Variants in SMAD3 observed in about 807,000 individuals in gnomAD.
SMAD3 encodes the protein SMAD family member 3.
SMAD3 carries 12 observed loss-of-function variants against 51.8 expected under a neutral mutation model. That is an observed-to-expected ratio of 0.23 (90% CI 0.15 to 0.38). SMAD3 has a LOEUF of 0.38. SMAD3 is among the 10% of genes least tolerant of loss of function. The pLI is 1.00. For missense variants in SMAD3, 294 were observed against 565.6 expected (o/e 0.52, Z 4.87); for synonymous variants, 238 against 227.7 (o/e 1.05, Z -0.41).
intron 5 of SMAD3, among the ~76,000 whole-genome samples, chr15:67,174,144 C>G (rs183547823): frequency 8.5e-4 from 129 of 152,306 alleles, no homozygotes; most frequent in African/African-American, 3.0e-3. Context: ...CCTCCAGCCC[C>G]CACTCAGGAG....
intron 1 of SMAD3, among the ~76,000 whole-genome samples, chr15:67,072,081 G>T (rs1960066971): frequency 6.6e-6 from 1 of 152,192 alleles, no homozygotes; most frequent in African/African-American, 2.4e-5. Context: ...GCAAGAAGTT[G>T]ATGAAATTGA....
Position 67,154,257 on chromosome 15 carries a change from G to A in SMAD3, c.207-10638G>A, listed in dbSNP as rs973886020. Among the ~76,000 whole-genome samples the A allele has an allele frequency of 5.9e-5, 9 of 152,324 alleles. No homozygotes were observed. In the East Asian group the frequency reaches 1.3e-3, roughly 23 times the overall value. On this transcript the variant is annotated intron_variant, in intron 1 of 8. Coordinates refer to ENST00000327367, the MANE Select transcript of SMAD3 (RefSeq NM_005902.4). ...TGGCATTTTATTTGGTTTCCCCCTAGACTGGCAGCATTCATGCCCAAAGCA... is the reference window on the plus strand; with the variant it reads ...TGGCATTTTATTTGGTTTCCCCCTAAACTGGCAGCATTCATGCCCAAAGCA...
rs575509425 is a variant in SMAD3, at chr15:67,164,305, A to G, written c.207-590A>G. Among the ~76,000 whole-genome samples, 3 of 121,448 alleles carry G rather than the reference A, an allele frequency of 2.5e-5. No individual in the cohort carries two copies. The South Asian group carries it at 8.7e-4, about 35-fold the overall frequency. 79.7% of individuals were successfully genotyped at this position (121,448 alleles called of 152,430 possible). On this transcript the variant is annotated intron_variant, in intron 1 of 8. Transcript: ENST00000327367. Reference sequence around the variant, plus strand: ...ACTCCAGCCTGGGCAACAGAGCGAGACTCCGTCTCAGAAAAAAAAAAAAAA... The same window carrying G: ...ACTCCAGCCTGGGCAACAGAGCGAGGCTCCGTCTCAGAAAAAAAAAAAAAA...
At chr15:67,181,893 C>T (rs540972030) in intron 6 of SMAD3, among the ~76,000 whole-genome samples, 9 of 151,228 alleles carry the variant, frequency 6.0e-5, no homozygotes, top group East Asian at 2.0e-4. Flanking sequence ...TCAAGCGATT[C>T]TCCTGCCTCA....
intron 1 of SMAD3, among the ~76,000 whole-genome samples, chr15:67,077,654 A>G (rs1960199969): frequency 1.3e-5 from 2 of 152,206 alleles, no homozygotes; most frequent in South Asian, 4.1e-4. Flanking sequence ...GAACAGGTCT[A>G]TTTCTGGAGG....
At position 67,193,298 on chromosome 15, in the gene SMAD3, T is replaced by C. The variant is rs931747660; in HGVS notation, c.*2762T>C. ...TCAACACGACCGCGTGTGTTGCCCC[T>C]GCCCTGGGCTCCCCGCCATGACATC... On this transcript the variant is annotated 3_prime_UTR_variant, in exon 9 of 9. Coordinates refer to ENST00000327367, the MANE Select transcript of SMAD3 (RefSeq NM_005902.4). 90 of 233,338 alleles carry C rather than the reference T, an allele frequency of 3.9e-4. 1 individual carries two copies. The Admixed American group carries it at 4.8e-3, about 12-fold the overall frequency. The allele number at this position is 233,338 out of a possible 1,614,324, so 14.5% of individuals were successfully genotyped here.
At position 67,193,760 on chromosome 15, in the gene SMAD3, T is replaced by A. The variant is rs1029085746; in HGVS notation, c.*3224T>A. 4.3e-6 allele frequency: 1 copy of A among 233,188 alleles called. No individual in the cohort carries two copies. The highest frequency in any genetic ancestry group is 8.5e-6 in the Non-Finnish European group (1 of 117,720). 14.4% of individuals were successfully genotyped at this position (233,188 alleles called of 1,614,324 possible). On this transcript the variant is annotated 3_prime_UTR_variant, in exon 9 of 9. Coordinates refer to ENST00000327367, the MANE Select transcript of SMAD3 (RefSeq NM_005902.4). ...CCATCGTTAATATACTGAAGTGAGC[T>A]ATAGCACATATCATGTGCTTAGTTT...
chr15:67,107,609 A>G (rs1355124702), intron 1 of SMAD3, among the ~76,000 whole-genome samples: 2 of 152,172 alleles, frequency 1.3e-5, no homozygotes, highest in Admixed American at 6.5e-5. Context: ...TGCCACGGTC[A>G]CTTGGTTTGC....
intron 1 of SMAD3, among the ~76,000 whole-genome samples, chr15:67,103,675 G>C (rs983041247): frequency 4.8e-4 from 73 of 152,140 alleles, no homozygotes; most frequent in Non-Finnish European, 2.6e-4. Flanking sequence ...GTGTGGGCCT[G>C]TGTGTGGACT....
At chr15:67,117,362 G>A (rs1390988805) in intron 1 of SMAD3, among the ~76,000 whole-genome samples, 1 of 152,118 alleles carries the variant, frequency 6.6e-6, no homozygotes, top group Non-Finnish European at 1.5e-5. Context: ...AGGATATGAC[G>A]GTAGAAGAGA....
chr15:67,091,240 A>G (rs947849819), intron 1 of SMAD3, among the ~76,000 whole-genome samples: 3 of 152,186 alleles, frequency 2.0e-5, no homozygotes, highest in African/African-American at 7.2e-5. Context: ...CTGCTCCCCC[A>G]GCCGTCTCCA....
chr15:67,076,004 G>A (rs1960159165), intron 1 of SMAD3, among the ~76,000 whole-genome samples: 1 of 151,954 alleles, frequency 6.6e-6, no homozygotes, highest in East Asian at 1.9e-4. Flanking sequence ...CTTAGTAAAC[G>A]CTCATTTTTC....
intron 1 of SMAD3, among the ~76,000 whole-genome samples, chr15:67,124,702 T>C (rs184971516): frequency 1.9e-4 from 29 of 152,294 alleles, no homozygotes; most frequent in Admixed American, 3.9e-4. Flanking sequence ...TTAATTAGCT[T>C]TCAAAGGTAC....
chr15:67,187,315 C>G, intron 7 of SMAD3, 50 bp from the exon 8 acceptor site: 1 of 1,612,762 alleles, frequency 6.2e-7, no homozygotes, highest in Non-Finnish European at 8.5e-7. Context: ...AGGGGAGCAA[C>G]GGACCTGGCC....
At chr15:67,091,923 C>G (rs1037545173) in intron 1 of SMAD3, among the ~76,000 whole-genome samples, 1 of 152,136 alleles carries the variant, frequency 6.6e-6, no homozygotes, top group East Asian at 1.9e-4. Flanking sequence ...TGAGGTGACC[C>G]AGAACTTGGA....
intron 1 of SMAD3, among the ~76,000 whole-genome samples, chr15:67,091,860 C>T (rs767069489): frequency 2.6e-5 from 4 of 152,102 alleles, no homozygotes; most frequent in Admixed American, 1.3e-4. Context: ...GAATTTAATA[C>T]GGGACCTTGG....
At chr15:67,067,374 T>A (rs375393214) in intron 1 of SMAD3, among the ~76,000 whole-genome samples, 30 of 152,304 alleles carry the variant, frequency 2.0e-4, no homozygotes, top group East Asian at 1.2e-3. Flanking sequence ...GGCTGGGAAC[T>A]GGGGGTGCGG....
At chr15:67,122,278 G>A (rs572975303) in intron 1 of SMAD3, among the ~76,000 whole-genome samples, 1 of 152,318 alleles carries the variant, frequency 6.6e-6, no homozygotes, top group African/African-American at 2.4e-5. Flanking sequence ...TTGATCTGTA[G>A]GCTTCAGGGA....
chr15:67,143,968 C>CT (rs60425554), intron 1 of SMAD3, among the ~76,000 whole-genome samples: 2,782 of 145,092 alleles, frequency 0.019, 88 homozygotes, highest in African/African-American at 0.065. Context: ...TGTGCCCTGC[C>CT]TTTTTTTTTT....
Sources: allele counts gnomAD v4.1 joint callset (sites outside exome capture counted in the v4.1 genomes callset), GRCh38; gene constraint gnomAD v4.1.1; transcripts MANE v1.5; gene names NCBI Gene and HGNC (gene_info 2026-07-23, HGNC 2026-07-21).